The following FRMD6 variants were observed in gnomAD, a reference collection of about 807,000 sequenced individuals.
The protein encoded by FRMD6 is FERM domain containing 6, also known as FERM domain-containing protein 6.
FRMD6 carries 37 observed loss-of-function variants against 73.2 expected under a neutral mutation model. That is an observed-to-expected ratio of 0.51 (90% CI 0.39 to 0.66). The LOEUF (loss-of-function observed/expected upper bound fraction) is 0.66, where lower values mean the gene tolerates loss of function less well. Ranked by LOEUF, FRMD6 falls within the 30% of genes least tolerant of loss-of-function variation. FRMD6 has a pLI of 0.00. For missense variants in FRMD6, 714 were observed against 780.5 expected, an observed-to-expected ratio of 0.91 and a Z score of 1.02; for synonymous variants, 273 against 282.2, an observed-to-expected ratio of 0.97 and a Z score of 0.33.
chr14:51,525,039 AAGAG>A (rs760690162), intron 1 of FRMD6, among the ~76,000 whole-genome samples: 4 of 143,460 alleles, frequency 2.8e-5, no homozygotes, highest in South Asian at 4.5e-4. Flanking sequence ...GATGGAGAGA[AAGAG>A]AGAGAGAGAG....
At chr14:51,725,983 C>T in intron 13 of FRMD6, 113 bp downstream of exon 13, 1 of 664,200 alleles carries the variant, frequency 1.5e-6, no homozygotes, top group Non-Finnish European at 2.7e-6. Context: ...GGAAATGATC[C>T]TTCCTAGATA....
At chr14:51,627,068 C>G (rs961867012) in intron 2 of FRMD6, among the ~76,000 whole-genome samples, 1 of 152,128 alleles carries the variant, frequency 6.6e-6, no homozygotes, top group African/African-American at 2.4e-5. Context: ...CACACAATTT[C>G]TGATTTTTTT....
At chr14:51,510,776 CCT>C (rs1163420913) in intron 1 of FRMD6, among the ~76,000 whole-genome samples, 4 of 152,198 alleles carry the variant, frequency 2.6e-5, no homozygotes, top group African/African-American at 9.7e-5. Flanking sequence ...AAGGCTAACA[CCT>C]GAAGGGTCCG....
At chr14:51,690,325 C>T (rs1594739492) in intron 2 of FRMD6, among the ~76,000 whole-genome samples, 2 of 152,120 alleles carry the variant, frequency 1.3e-5, no homozygotes, top group Admixed American at 1.3e-4. Flanking sequence ...TGGCTTTCGC[C>T]ATTGAAAGTA....
At chr14:51,717,843 G>A in intron 10 of FRMD6, among the ~76,000 whole-genome samples, 1 of 152,134 alleles carries the variant, frequency 6.6e-6, no homozygotes, top group Non-Finnish European at 1.5e-5. Flanking sequence ...ATGATCACAA[G>A]GATTTTTCCA....
At chr14:51,573,386 A>G (rs1175059145) in intron 2 of FRMD6, among the ~76,000 whole-genome samples, 1 of 152,176 alleles carries the variant, frequency 6.6e-6, no homozygotes, top group Non-Finnish European at 1.5e-5. Flanking sequence ...TGCCAATGAG[A>G]GACAAAGGAG....
chr14:51,486,677 A>G (rs574343896), upstream of FRMD6, among the ~76,000 whole-genome samples: 1 of 152,262 alleles, frequency 6.6e-6, no homozygotes, highest in African/African-American at 2.4e-5. Context: ...TGATCTATAG[A>G]CTCAATCACA....
At chr14:51,504,337 C>T (rs1056947667) in intron 1 of FRMD6, among the ~76,000 whole-genome samples, 1 of 152,220 alleles carries the variant, frequency 6.6e-6, no homozygotes, top group African/African-American at 2.4e-5. Context: ...TGACCTGTTT[C>T]CAGCCTGAAC....
intron 2 of FRMD6, among the ~76,000 whole-genome samples, chr14:51,598,768 A>G (rs1045275909): frequency 6.6e-6 from 1 of 152,210 alleles, no homozygotes; most frequent in Admixed American, 6.5e-5. Flanking sequence ...TGGTGTATAT[A>G]TAACACATTT....
rs6145341 is a variant in FRMD6 at position 51,676,038 on chromosome 14, TATAAA to T, written c.-146-13649_-146-13645del. On this transcript the variant is annotated intron_variant, in intron 1 of 13. Transcript: ENST00000344768. ...CGTTTCTTAACTTTCCGTTTAAAAA[TATAAA>T]ATATGAACTTTCTGAAAAGATACTA... Among the ~76,000 whole-genome samples the T allele has an allele frequency of 6.4e-3, 974 of 152,238 alleles. 10 individuals carry two copies. The highest frequency in any genetic ancestry group is 0.022 in the African/African-American group (925 of 41,540).
upstream of FRMD6, among the ~76,000 whole-genome samples, chr14:51,485,490 T>C (rs1195734398): frequency 6.6e-6 from 1 of 152,248 alleles, no homozygotes; most frequent in Non-Finnish European, 1.5e-5. Context: ...CCCTTTCAAC[T>C]GTGCACTGTG....
rs1885157471 is a variant in FRMD6 at position 51,525,049 on chromosome 14, G to C, written c.-210+35629G>C. Among the ~76,000 whole-genome samples the C allele has an allele frequency of 5.9e-5, 8 of 135,246 alleles. No homozygotes were observed. The South Asian group carries it at 2.1e-3, about 35-fold the overall frequency. 88.7% of individuals were successfully genotyped at this position (135,246 alleles called of 152,430 possible). A position where few individuals can be genotyped will look rare whatever the true frequency, so the allele number is the denominator to read the frequency against. ...GGGTGGATGGAGAGAAAGAGAGAGA[G>C]AGAGAGAGACAGACAAATAGAATAG... On this transcript the variant is annotated intron_variant, in intron 1 of 14. Coordinates refer to the FRMD6 transcript ENST00000356218.
intron 1 of FRMD6, among the ~76,000 whole-genome samples, chr14:51,542,311 A>G (rs1279418227): frequency 6.6e-6 from 1 of 152,052 alleles, no homozygotes; most frequent in Non-Finnish European, 1.5e-5. Flanking sequence ...GCAGTCTGAC[A>G]ACTACCAATC....
chr14:51,681,093 A>G (rs1894763440), intron 1 of FRMD6, among the ~76,000 whole-genome samples: 1 of 152,180 alleles, frequency 6.6e-6, no homozygotes, highest in Non-Finnish European at 1.5e-5. Context: ...TCCCTTTTCT[A>G]TAGCTGAGTA....
At chr14:51,448,133 A>AT in the FRMD6 span, among the ~76,000 whole-genome samples, 2 of 152,100 alleles carry the variant, frequency 1.3e-5, no homozygotes, top group Admixed American at 1.3e-4. Context: ...TATATTTGGG[A>AT]TTTTTTGGAA....
intron 1 of FRMD6, among the ~76,000 whole-genome samples, chr14:51,509,624 CTTTA>C (rs1884180257): frequency 6.6e-6 from 1 of 152,080 alleles, no homozygotes; most frequent in African/African-American, 2.4e-5. Flanking sequence ...TATGTATATA[CTTTA>C]TTTATGTATT....
chr14:51,433,030 C>T, the FRMD6 span, among the ~76,000 whole-genome samples: 1,401 of 152,320 alleles, frequency 9.2e-3, 23 homozygotes, highest in African/African-American at 0.032. Context: ...CGATTTCTTG[C>T]CTGTCAGGCT....
chr14:51,532,484 G>T (rs927308228), intron 1 of FRMD6, among the ~76,000 whole-genome samples: 3 of 152,110 alleles, frequency 2.0e-5, no homozygotes, highest in African/African-American at 7.2e-5. Flanking sequence ...AGATTGAAGA[G>T]AAAATGAATA....
chr14:51,445,982 C>T, the FRMD6 span, among the ~76,000 whole-genome samples: 9 of 152,166 alleles, frequency 5.9e-5, no homozygotes, highest in Non-Finnish European at 1.3e-4. Flanking sequence ...CTCCGTTTCA[C>T]AAATAAGGAG....
Sources: gnomAD v4.1 joint callset for allele counts (sites outside exome capture counted in the v4.1 genomes callset) on GRCh38, gnomAD v4.1.1 for gene constraint, MANE v1.5 for transcripts, NCBI Gene and HGNC (gene_info 2026-07-23, HGNC 2026-07-21) for gene names.